Variants in TBC1D5 observed in about 807,000 individuals in gnomAD.
TBC1D5 encodes the protein TBC1 domain family member 5, also known as TBC1 domain family, member 5.
Under a neutral mutation model 100.3 loss-of-function variants are expected in TBC1D5, and 75 were observed. That is an observed-to-expected ratio of 0.75 (90% CI 0.62 to 0.91). The LOEUF is 0.91. Ranked by LOEUF, TBC1D5 falls within the 40% of genes least tolerant of loss-of-function variation. The pLI is 0.00. For synonymous variants in TBC1D5, 323 were observed against 325.6 expected, an observed-to-expected ratio of 0.99 and a Z score of 0.09; for missense variants, 910 against 942.4, an observed-to-expected ratio of 0.97 and a Z score of 0.45.
rs62248268 is a variant in TBC1D5, at chr3:17,485,587, C to T, written c.97+22887G>A. Among the ~76,000 whole-genome samples the T allele has an allele frequency of 1.4e-4, 21 of 149,384 alleles. 1 individual carries two copies. The highest frequency in any genetic ancestry group is 1.2e-3 in the East Asian group (6 of 5,018). ...ATTCCCATCTATGAGTGAGAACATG[C>T]GGTGTTTGGTTTTTTGTCCTTGCAA... is the stretch of plus-strand genomic sequence containing the variant. On this transcript the variant is annotated intron_variant, in intron 3 of 21. Transcript: ENST00000253692.
chr3:17,297,046 G>A (rs1056226999), intron 14 of TBC1D5, among the ~76,000 whole-genome samples: 1 of 152,186 alleles, frequency 6.6e-6, no homozygotes. Context: ...AAATAGTGCT[G>A]CCAACTGGAA....
At chr3:17,284,386 G>A (rs1348768841) in intron 15 of TBC1D5, among the ~76,000 whole-genome samples, 1 of 152,072 alleles carries the variant, frequency 6.6e-6, no homozygotes, top group East Asian at 1.9e-4. Context: ...CCAAAATGCT[G>A]GATTACAGGC....
At chr3:17,178,526 A>G (rs1296800181) in intron 19 of TBC1D5, among the ~76,000 whole-genome samples, 1 of 151,840 alleles carries the variant, frequency 6.6e-6, no homozygotes, top group African/African-American at 2.4e-5. Context: ...TTGAGTATAT[A>G]CCCTGGAATG....
intron 16 of TBC1D5, among the ~76,000 whole-genome samples, chr3:17,244,298 CA>C (rs1373750362): frequency 6.6e-6 from 1 of 152,110 alleles, no homozygotes; most frequent in Non-Finnish European, 1.5e-5. Context: ...TCTGCAGTGC[CA>C]AATGGCATCT....
intron 14 of TBC1D5, among the ~76,000 whole-genome samples, chr3:17,300,028 T>A (rs193066438): frequency 2.2e-3 from 336 of 152,166 alleles, no homozygotes; most frequent in African/African-American, 7.7e-3. Context: ...TCAATTTTTT[T>A]AAAAAAGGAA....
At chr3:17,199,670 G>A (rs2071203325) in intron 18 of TBC1D5, among the ~76,000 whole-genome samples, 1 of 152,112 alleles carries the variant, frequency 6.6e-6, no homozygotes, top group Non-Finnish European at 1.5e-5. Flanking sequence ...TGTACTGAAG[G>A]GACCTATGGA....
chr3:17,588,740 C>A (rs1407181573), intron 2 of TBC1D5, among the ~76,000 whole-genome samples: 1 of 152,130 alleles, frequency 6.6e-6, no homozygotes, highest in Non-Finnish European at 1.5e-5. Flanking sequence ...AACCAATTTT[C>A]AATAAAATAC....
intron 13 of TBC1D5, among the ~76,000 whole-genome samples, chr3:17,356,944 A>C (rs1401852903): frequency 6.6e-6 from 1 of 151,980 alleles, no homozygotes; most frequent in Non-Finnish European, 1.5e-5. Flanking sequence ...AGAGATCTTT[A>C]AATAGTTTTT....
Position 17,532,423 on chromosome 3 carries a change from T to C in TBC1D5, c.-35-23818A>G, listed in dbSNP as rs2153386597. On this transcript the variant is annotated intron_variant, in intron 2 of 21. Coordinates refer to ENST00000253692, the Ensembl canonical transcript of TBC1D5. Reference sequence around the variant, plus strand: ...CTAGTTCAACCATTGTGGAAGTCAGTGTGGCGATTCCTCAGGGATCTAGAA... The same window carrying C: ...CTAGTTCAACCATTGTGGAAGTCAGCGTGGCGATTCCTCAGGGATCTAGAA... Among the ~76,000 whole-genome samples the C allele has an allele frequency of 1.3e-5, 2 of 152,298 alleles. 1 individual carries two copies. The highest frequency in any genetic ancestry group is 6.8e-3 in the Middle Eastern group (2 of 294).
intron 16 of TBC1D5, among the ~76,000 whole-genome samples, chr3:17,252,059 AT>A (rs1225862441): frequency 5.3e-5 from 8 of 152,114 alleles, no homozygotes; most frequent in African/African-American, 1.9e-4. Context: ...ACATTCATGG[AT>A]TTTCTGTTTT....
At chr3:17,382,898 T>A (rs2093006925) in intron 9 of TBC1D5, among the ~76,000 whole-genome samples, 1 of 152,064 alleles carries the variant, frequency 6.6e-6, no homozygotes, top group South Asian at 2.1e-4. Context: ...ATCTTTATTG[T>A]TAATTTTTTT....
chr3:17,554,039 T>C (rs1318699515), intron 2 of TBC1D5, among the ~76,000 whole-genome samples: 1 of 152,200 alleles, frequency 6.6e-6, no homozygotes, highest in Admixed American at 6.5e-5. Flanking sequence ...CTATGGCACG[T>C]ACTATTTTTA....
At chr3:17,642,498 AC>A (rs879522351) in intron 1 of TBC1D5, among the ~76,000 whole-genome samples, 1 of 152,134 alleles carries the variant, frequency 6.6e-6, no homozygotes, top group Non-Finnish European at 1.5e-5. Flanking sequence ...CCCGATACCT[AC>A]TATTCACTCA....
At chr3:17,211,913 C>T (rs1010058316) in intron 18 of TBC1D5, among the ~76,000 whole-genome samples, 8 of 152,232 alleles carry the variant, frequency 5.3e-5, no homozygotes, top group Admixed American at 2.0e-4. Flanking sequence ...GAAGGGATCC[C>T]TAAGAGGGCA....
intron 8 of TBC1D5, among the ~76,000 whole-genome samples, chr3:17,389,873 T>C (rs570033257): frequency 6.6e-6 from 1 of 152,148 alleles, no homozygotes; most frequent in Non-Finnish European, 1.5e-5. Flanking sequence ...CTAAATCTAT[T>C]AACTCATTAG....
intron 2 of TBC1D5, among the ~76,000 whole-genome samples, chr3:17,564,012 G>A (rs1362150746): frequency 6.6e-6 from 1 of 152,186 alleles, no homozygotes; most frequent in Non-Finnish European, 1.5e-5. Context: ...TCGATCTCCT[G>A]ACCTTGTGAT....
At chr3:17,348,073 A>C (rs2090131752) in intron 13 of TBC1D5, among the ~76,000 whole-genome samples, 1 of 152,208 alleles carries the variant, frequency 6.6e-6, no homozygotes, top group South Asian at 2.1e-4. Context: ...TTGGACTTTA[A>C]ATTCTTGGGA....
At chr3:17,181,506 T>C (rs751069164) in intron 19 of TBC1D5, among the ~76,000 whole-genome samples, 2 of 152,252 alleles carry the variant, frequency 1.3e-5, no homozygotes, top group Non-Finnish European at 2.9e-5. Context: ...CAAGTACATA[T>C]GTGTCGACAT....
chr3:17,730,816 A>G (rs1444532976), intron 1 of TBC1D5, among the ~76,000 whole-genome samples: 6 of 152,296 alleles, frequency 3.9e-5, no homozygotes, highest in Non-Finnish European at 5.9e-5. Flanking sequence ...GCACGCCACC[A>G]GAAGTATTAA....
Sources: allele counts gnomAD v4.1 joint callset (sites outside exome capture counted in the v4.1 genomes callset), GRCh38; gene constraint gnomAD v4.1.1; transcripts MANE v1.5; gene names NCBI Gene and HGNC (gene_info 2026-07-23, HGNC 2026-07-21).